Variants in PLPPR1 observed in about 807,000 individuals in gnomAD.
PLPPR1 encodes phospholipid phosphatase related 1, also known as phospholipid phosphatase-related protein type 1.
Under a neutral mutation model 33.1 loss-of-function variants are expected in PLPPR1, and 10 were observed. That is an observed-to-expected ratio of 0.30 (90% confidence interval 0.19 to 0.51). The LOEUF is 0.51. PLPPR1 is among the 20% of genes least tolerant of loss of function. The probability of loss-of-function intolerance (pLI) is 0.97; values close to 1 mark genes in which losing one functional copy is unlikely to be tolerated. For missense variants in PLPPR1, 304 were observed against 408.1 expected, an observed-to-expected ratio of 0.74 and a Z score of 2.20; for synonymous variants, 151 against 151.0, an observed-to-expected ratio of 1.00 and a Z score of 0.00.
At chr9:101,291,908 C>T (rs1405233691) in intron 4 of PLPPR1, among the ~76,000 whole-genome samples, 1 of 152,196 alleles carries the variant, frequency 6.6e-6, no homozygotes, top group Non-Finnish European at 1.5e-5. Context: ...AGGAACACAG[C>T]TCCTCACCAG....
chr9:101,279,868 A>T (rs1467498544), intron 3 of PLPPR1, among the ~76,000 whole-genome samples: 2 of 152,174 alleles, frequency 1.3e-5, no homozygotes, highest in Non-Finnish European at 2.9e-5. Context: ...GTAGAAAAAC[A>T]TCAAACAAAC....
At chr9:101,266,284 C>T (rs891601970) in intron 2 of PLPPR1, among the ~76,000 whole-genome samples, 3 of 151,140 alleles carry the variant, frequency 2.0e-5, no homozygotes, top group African/African-American at 7.3e-5. Context: ...AAAAATTAGC[C>T]AGGCGTGATG....
At chr9:101,227,912 G>C (rs907603541) in intron 2 of PLPPR1, among the ~76,000 whole-genome samples, 8 of 152,090 alleles carry the variant, frequency 5.3e-5, no homozygotes, top group Admixed American at 3.3e-4. Context: ...AAAGTAGCTG[G>C]GATTACAGGC....
intron 4 of PLPPR1, among the ~76,000 whole-genome samples, chr9:101,300,245 C>G (rs1373729929): frequency 2.0e-5 from 3 of 152,078 alleles, no homozygotes; most frequent in Non-Finnish European, 4.4e-5. Context: ...ATGACCACAG[C>G]TCACTGCAGC....
At chr9:101,108,559 A>G (rs1175912662) in intron 1 of PLPPR1, among the ~76,000 whole-genome samples, 2 of 152,162 alleles carry the variant, frequency 1.3e-5, no homozygotes, top group African/African-American at 2.4e-5. Flanking sequence ...TGCCAGAACA[A>G]CAGGCATAGA....
chr9:101,168,154 A>G (rs1825887796), intron 1 of PLPPR1, among the ~76,000 whole-genome samples: 1 of 152,166 alleles, frequency 6.6e-6, no homozygotes, highest in Non-Finnish European at 1.5e-5. Context: ...GTGGGGACAC[A>G]GCCAAACCAT....
intron 2 of PLPPR1, 116 bp from the exon 3 acceptor site, chr9:101,269,764 G>T (rs1016456699): frequency 6.2e-6 from 6 of 973,136 alleles, no homozygotes; most frequent in Non-Finnish European, 9.8e-6. Context: ...GCACACACTC[G>T]CCAATACCAA....
intron 2 of PLPPR1, among the ~76,000 whole-genome samples, chr9:101,230,168 A>G (rs1827151400): frequency 6.6e-6 from 1 of 152,178 alleles, no homozygotes. Flanking sequence ...ATTTCAAACC[A>G]TTCCAGAATA....
intron 2 of PLPPR1, among the ~76,000 whole-genome samples, chr9:101,204,917 A>T (rs760586151): frequency 1.3e-5 from 2 of 152,048 alleles, no homozygotes; most frequent in Admixed American, 6.6e-5. Flanking sequence ...AGGTTTGTGT[A>T]TATGGTGTGG....
chr9:101,120,600 C>T (rs532734780), intron 1 of PLPPR1, among the ~76,000 whole-genome samples: 4 of 152,270 alleles, frequency 2.6e-5, no homozygotes, highest in Admixed American at 2.6e-4. Context: ...AGTGCCATCT[C>T]CTTCTTTTAT....
Position 101,324,083 on chromosome 9 carries a change from T to G in PLPPR1, c.*26T>G, listed in dbSNP as rs1411009192. ...GACGACTGATGTGTCACAAGCTGTTTTTTAAAATCATCTTCCAATTCTATA... is the reference window on the plus strand; with the variant it reads ...GACGACTGATGTGTCACAAGCTGTTGTTTAAAATCATCTTCCAATTCTATA... On this transcript the variant is annotated 3_prime_UTR_variant, in exon 8 of 8. Coordinates refer to ENST00000374874, the MANE Select transcript of PLPPR1 (RefSeq NM_207299.2). 8 of 1,600,162 alleles carry G rather than the reference T, an allele frequency of 5.0e-6. No homozygotes were observed. Among genetic ancestry groups the G allele is most frequent in the Non-Finnish European group, 6.8e-6 (8 of 1,168,372 alleles).
At chr9:101,092,785 G>T (rs1247218213) in intron 1 of PLPPR1, among the ~76,000 whole-genome samples, 3 of 151,876 alleles carry the variant, frequency 2.0e-5, no homozygotes, top group Non-Finnish European at 4.4e-5. Flanking sequence ...CCTGATTCTC[G>T]CTGTGATGGT....
In PLPPR1 at chr9:101,303,145, G is replaced by A. The variant is rs763524687; in HGVS notation, c.386-6066G>A. ...GGGATTACAGGCACCCAGCACCACCGGCTAATTTTTGTATTTTTAGTAAGG... is the reference window on the plus strand; with the variant it reads ...GGGATTACAGGCACCCAGCACCACCAGCTAATTTTTGTATTTTTAGTAAGG... On this transcript the variant is annotated intron_variant, in intron 4 of 7. Transcript: ENST00000374874. Among the ~76,000 whole-genome samples the A allele has an allele frequency of 1.3e-3, 193 of 147,800 alleles. 4 individuals are homozygous for A. Among genetic ancestry groups the A allele is most frequent in the Non-Finnish European group, 6.3e-4 (42 of 67,076 alleles).
At chr9:101,142,205 T>A (rs1004669309) in intron 1 of PLPPR1, among the ~76,000 whole-genome samples, 6 of 152,194 alleles carry the variant, frequency 3.9e-5, no homozygotes, top group Non-Finnish European at 8.8e-5. Context: ...TTACTGCTAA[T>A]AATAGTAGAG....
At chr9:101,198,670 A>G (rs1201097560) in intron 2 of PLPPR1, among the ~76,000 whole-genome samples, 1 of 152,176 alleles carries the variant, frequency 6.6e-6, no homozygotes, top group African/African-American at 2.4e-5. Context: ...AGGAAAGCCA[A>G]CCAGAGGAAT....
intron 1 of PLPPR1, among the ~76,000 whole-genome samples, chr9:101,184,710 A>T (rs954682498): frequency 1.5e-4 from 23 of 149,250 alleles, no homozygotes; most frequent in African/African-American, 5.7e-4. Context: ...TAATACAATT[A>T]TATTTTCAGT....
At chr9:101,036,472 C>T (rs1830012009) in intron 1 of PLPPR1, among the ~76,000 whole-genome samples, 1 of 152,056 alleles carries the variant, frequency 6.6e-6, no homozygotes, top group Admixed American at 6.6e-5. Flanking sequence ...TAAAGATCAT[C>T]TAGACTAGTC....
chr9:101,317,260 TCA>T (rs1246171234), intron 6 of PLPPR1, 103 bp from the exon 7 acceptor site: 1 of 1,220,064 alleles, frequency 8.2e-7, no homozygotes, highest in Non-Finnish European at 1.2e-6. Flanking sequence ...AGGAAAAAGG[TCA>T]CTCTGGTGAT....
At chr9:101,206,834 A>G (rs1334340286) in intron 2 of PLPPR1, among the ~76,000 whole-genome samples, 2 of 152,148 alleles carry the variant, frequency 1.3e-5, no homozygotes, top group East Asian at 3.9e-4. Flanking sequence ...ACCAGGGCCA[A>G]AGAGATTTCA....
Sources: allele counts gnomAD v4.1 joint callset (sites outside exome capture counted in the v4.1 genomes callset), GRCh38; gene constraint gnomAD v4.1.1; transcripts MANE v1.5; gene names NCBI Gene and HGNC (gene_info 2026-07-23, HGNC 2026-07-21).